The following ECE1 variants were observed in gnomAD, a reference collection of about 807,000 sequenced individuals.
ECE1 encodes endothelin-converting enzyme 1.
ECE1 carries 35 observed loss-of-function variants against 98.6 expected under a neutral mutation model. The ratio of observed to expected loss-of-function variants is 0.35; its 90% confidence interval spans 0.27 to 0.47. The LOEUF is 0.47. Among genes scored for constraint, ECE1 ranks in the 20% least tolerant of loss-of-function variants. The probability of loss-of-function intolerance (pLI) is 1.00; values close to 1 mark genes in which losing one functional copy is unlikely to be tolerated. For missense variants in ECE1, 814 were observed against 1,025.3 expected (o/e 0.79, Z 2.81); for synonymous variants, 394 against 407.1 (o/e 0.97, Z 0.39).
chr1:21,268,291 C>T (rs1403931340), intron 4 of ECE1, among the ~76,000 whole-genome samples: 2 of 152,214 alleles, frequency 1.3e-5, no homozygotes, highest in East Asian at 1.9e-4. Context: ...TGCTTCCTTC[C>T]TCTGATGAAG....
intron 3 of ECE1, among the ~76,000 whole-genome samples, chr1:21,273,946 G>C (rs2098243536): frequency 6.6e-6 from 1 of 152,242 alleles, no homozygotes; most frequent in South Asian, 2.1e-4. Flanking sequence ...GGCCTACGCA[G>C]AGGCCTGGCC....
rs773516199 is a variant in ECE1, at chr1:21,272,680, C to A, written c.493+19G>T. 1.2e-6 allele frequency: 2 copies of A among 1,614,088 alleles called. No homozygotes were observed. Among genetic ancestry groups the A allele is most frequent in the Non-Finnish European group, 1.7e-6 (2 of 1,179,984 alleles). ...TCCCCGCTGTGGCCCATTTATTGGT[C>A]TCCATGCTGGATGCTTACCGAGGAG... On this transcript the variant is annotated intron_variant, in intron 4 of 18. Coordinates refer to ENST00000374893, the MANE Select transcript of ECE1 (RefSeq NM_001397.3).
Position 21,289,860 on chromosome 1 carries a change from G to A in ECE1, c.138+210C>T, listed in dbSNP as rs28367915. ...GGCCGGGAGGCTCTAGGGATGGCGG[G>A]GGCAGGTGAGGGGAGACTGGTGGGC... On this transcript the variant is annotated intron_variant, in intron 2 of 18. Transcript: ENST00000374893. Among the ~76,000 whole-genome samples, 619 of 152,150 alleles carry A rather than the reference G, an allele frequency of 4.1e-3. 6 individuals are homozygous for A. Among genetic ancestry groups the A allele is most frequent in the African/African-American group, 0.014 (581 of 41,514 alleles).
At chr1:21,287,145 A>C (rs972039728) in intron 2 of ECE1, among the ~76,000 whole-genome samples, 15 of 152,256 alleles carry the variant, frequency 9.9e-5, no homozygotes, top group Non-Finnish European at 2.2e-4. Flanking sequence ...ATGGACTTCA[A>C]AATCTTGAAA....
rs1356723240 is a variant in ECE1, at chr1:21,345,338, G to A, written c.3+38C>T. On this transcript the variant is annotated intron_variant, in intron 1 of 18. Transcript: ENST00000415912. The surrounding 1 kb of genome is among the most constrained non-coding windows in gnomAD (Gnocchi z 5.1). ...ACCGCTGCCCGCGACCGTCGAGGCT[G>A]GGCTGGACCGGACCAGACCTCCGCG... is the stretch of plus-strand genomic sequence containing the variant. The A allele has an allele frequency of 1.5e-6, 2 of 1,360,736 alleles. No homozygotes were observed. Among genetic ancestry groups the A allele is most frequent in the East Asian group, 6.7e-5 (2 of 29,942 alleles). The allele number at this position is 1,360,736 out of a possible 1,614,324, so 84.3% of individuals were successfully genotyped here.
chr1:21,266,547 T>A (rs779859594), intron 4 of ECE1: 3 of 152,202 alleles, frequency 2.0e-5, no homozygotes, highest in Non-Finnish European at 2.9e-5. Context: ...CTGAGGCGGA[T>A]ATCACCATCC....
intron 1 of ECE1, among the ~76,000 whole-genome samples, chr1:21,331,451 G>T (rs1052323345): frequency 1.3e-5 from 2 of 152,052 alleles, no homozygotes; most frequent in Admixed American, 6.6e-5. Context: ...GTATGGTGGT[G>T]CACGCTTGTA....
At chr1:21,244,905 AGGT>A in intron 10 of ECE1, 81 bp downstream of exon 10, 1 of 1,312,500 alleles carries the variant, frequency 7.6e-7, no homozygotes, top group South Asian at 1.2e-5. Context: ...CAGCTGGCTG[AGGT>A]CCCTTCCTGT....
At chr1:21,238,518 C>T (rs1201183979) in intron 10 of ECE1, among the ~76,000 whole-genome samples, 1 of 152,166 alleles carries the variant, frequency 6.6e-6, no homozygotes, top group Non-Finnish European at 1.5e-5. Context: ...GCTTACAAGC[C>T]GTTTGACTGA....
chr1:21,314,196 G>A (rs984114855), intron 1 of ECE1, among the ~76,000 whole-genome samples: 4 of 152,204 alleles, frequency 2.6e-5, no homozygotes, highest in Non-Finnish European at 1.5e-5. Flanking sequence ...GTAAAAAGAT[G>A]GGATCAAATT....
intron 3 of ECE1, among the ~76,000 whole-genome samples, chr1:21,273,340 T>TGTGC (rs1231022105): frequency 1.2e-4 from 11 of 90,344 alleles, no homozygotes; most frequent in African/African-American, 6.5e-4. Flanking sequence ...TGCCCGTGCG[T>TGTGC]GTGTGCGTGT....
At position 21,327,204 on chromosome 1, in the gene ECE1, G is replaced by A. The variant is rs920560199; in HGVS notation, c.3+18172C>T. Reference sequence around the variant, plus strand: ...GAAGAGGGACTCTGCCAGAGCAGCTGCCAGGAATCTGGGGCCTGGAGTCCA... The same window carrying A: ...GAAGAGGGACTCTGCCAGAGCAGCTACCAGGAATCTGGGGCCTGGAGTCCA... On this transcript the variant is annotated intron_variant, in intron 1 of 18. Coordinates refer to the ECE1 transcript ENST00000415912. The surrounding 1 kb of genome is among the most constrained non-coding windows in gnomAD (Gnocchi z 4.6). Among the ~76,000 whole-genome samples the A allele has an allele frequency of 1.3e-5, 2 of 152,244 alleles. No homozygotes were observed. The highest frequency in any genetic ancestry group is 2.9e-5 in the Non-Finnish European group (2 of 68,042).
chr1:21,295,058 C>T (rs1569689005), upstream of ECE1, among the ~76,000 whole-genome samples: 1 of 152,196 alleles, frequency 6.6e-6, no homozygotes, highest in African/African-American at 2.4e-5. Flanking sequence ...GGATCTAAAC[C>T]TCATTTCAGA....
In ECE1 at chr1:21,219,472, G is replaced by C. The variant is rs1458753990; in HGVS notation, c.*483C>G. The C allele has an allele frequency of 1.2e-5, 2 of 168,696 alleles. No individual in the cohort carries two copies. Among genetic ancestry groups the C allele is most frequent in the African/African-American group, 4.8e-5 (2 of 41,948 alleles). 10.4% of individuals were successfully genotyped at this position (168,696 alleles called of 1,614,324 possible). A position where few individuals can be genotyped will look rare whatever the true frequency, so the allele number is the denominator to read the frequency against. ...AGTGGGGAAGAGAGGGAGTAAATCA[G>C]TGGGGCTTCCCTTGTCCACAGGTTA... On this transcript the variant is annotated 3_prime_UTR_variant, in exon 19 of 19. Transcript: ENST00000374893. This position sits in a 1 kb window ranked among gnomAD's most constrained non-coding sequence, Gnocchi z 4.5.
chr1:21,300,716 G>A (rs1569704523), intron 1 of ECE1, among the ~76,000 whole-genome samples: 2 of 152,126 alleles, frequency 1.3e-5, no homozygotes, highest in African/African-American at 4.8e-5. Context: ...GATTACAGGT[G>A]TGAGCCACCG....
chr1:21,263,736 G>A (rs1399626550), intron 4 of ECE1, among the ~76,000 whole-genome samples: 1 of 152,024 alleles, frequency 6.6e-6, no homozygotes, highest in African/African-American at 2.4e-5. Flanking sequence ...AGGAGTTGGT[G>A]TTCATGCCCC....
intron 2 of ECE1, among the ~76,000 whole-genome samples, chr1:21,286,861 A>C (rs2098261099): frequency 6.6e-6 from 1 of 151,922 alleles, no homozygotes; most frequent in African/African-American, 2.4e-5. Context: ...GCTGCTAGTA[A>C]GCCCAGATTG....
In ECE1 at chr1:21,219,338, A is replaced by G. The variant is rs1181324797; in HGVS notation, c.*617T>C. On this transcript the variant is annotated 3_prime_UTR_variant, in exon 19 of 19. Coordinates refer to ENST00000374893, the MANE Select transcript of ECE1 (RefSeq NM_001397.3). This position sits in a 1 kb window ranked among gnomAD's most constrained non-coding sequence, Gnocchi z 4.5. ...CCTCTACTGGTCTCCACGCCCTTGC[A>G]TGAGGTGACAGGAGCTGAAATCACA... is the stretch of plus-strand genomic sequence containing the variant. 2 of 155,140 alleles carry G rather than the reference A, an allele frequency of 1.3e-5. No individual in the cohort carries two copies. The highest frequency in any genetic ancestry group is 2.9e-5 in the Non-Finnish European group (2 of 69,790). The allele number at this position is 155,140 out of a possible 1,614,324, so 9.6% of individuals were successfully genotyped here. A position where few individuals can be genotyped will look rare whatever the true frequency, so the allele number is the denominator to read the frequency against.
chr1:21,283,462 G>C (rs968368599), intron 2 of ECE1, among the ~76,000 whole-genome samples: 8 of 152,086 alleles, frequency 5.3e-5, no homozygotes, highest in Non-Finnish European at 1.0e-4. Context: ...GTAGAGACAG[G>C]GTTTCACCAT....
Sources: allele counts gnomAD v4.1 joint callset (sites outside exome capture counted in the v4.1 genomes callset), GRCh38; gene constraint gnomAD v4.1.1; non-coding constraint Gnocchi (gnomAD v3.1); transcripts MANE v1.5; gene names NCBI Gene and HGNC (gene_info 2026-07-23, HGNC 2026-07-21).